MAML3: variants seen among roughly 807,000 people sequenced by gnomAD.
The protein encoded by MAML3 is mastermind like transcriptional coactivator 3.
In MAML3, 27 loss-of-function variants were observed where a neutral mutation model predicts 101.9. That is an observed-to-expected ratio of 0.27 (90% CI 0.20 to 0.37). MAML3 has a LOEUF of 0.37. Ranked by LOEUF, MAML3 falls within the 10% of genes least tolerant of loss-of-function variation. MAML3 has a pLI of 1.00. For synonymous variants in MAML3, 501 were observed against 555.9 expected (o/e 0.90, Z 1.39); for missense variants, 1,316 against 1,444.9 (o/e 0.91, Z 1.45).
intron 2 of MAML3, among the ~76,000 whole-genome samples, chr4:139,834,839 A>G (rs71606862): frequency 0.028 from 4,201 of 152,214 alleles, 84 homozygotes; most frequent in Admixed American, 0.045. Flanking sequence ...CCTTTCTGGG[A>G]GAAGGGGGAG....
chr4:140,102,661 A>G (rs77056918), intron 1 of MAML3, among the ~76,000 whole-genome samples: 3,000 of 152,248 alleles, frequency 0.02, 83 homozygotes, highest in African/African-American at 0.065. Context: ...GTTTCAGCCT[A>G]TGAATTTTGC....
intron 1 of MAML3, among the ~76,000 whole-genome samples, chr4:139,944,978 T>C (rs1376202061): frequency 1.3e-5 from 2 of 151,776 alleles, no homozygotes; most frequent in African/African-American, 4.8e-5. Flanking sequence ...TAAATCATGC[T>C]GCTATAAAGA....
intron 2 of MAML3, among the ~76,000 whole-genome samples, chr4:139,884,303 G>A (rs1311640309): frequency 1.3e-5 from 2 of 152,052 alleles, no homozygotes; most frequent in African/African-American, 4.8e-5. Flanking sequence ...TACCACACAG[G>A]GCATTCCACA....
chr4:139,874,512 T>C (rs796264610), intron 2 of MAML3, among the ~76,000 whole-genome samples: 13 of 152,216 alleles, frequency 8.5e-5, no homozygotes, highest in African/African-American at 2.9e-4. Flanking sequence ...ATATATATGA[T>C]AATATATTTC....
At chr4:139,852,908 A>C (rs1731584391) in intron 2 of MAML3, among the ~76,000 whole-genome samples, 1 of 152,198 alleles carries the variant, frequency 6.6e-6, no homozygotes, top group Non-Finnish European at 1.5e-5. Context: ...CCAGTTGGGC[A>C]ATCTTGGGCA....
chr4:140,012,288 T>A (rs1423748808), intron 1 of MAML3, among the ~76,000 whole-genome samples: 2 of 152,256 alleles, frequency 1.3e-5, no homozygotes, highest in Non-Finnish European at 1.5e-5. Context: ...TAACCTGTTA[T>A]ATTTTATGTG....
At position 139,936,855 on chromosome 4, in the gene MAML3, C is replaced by T. The variant is rs148846296; in HGVS notation, c.469-45888G>A. On this transcript the variant is annotated intron_variant, in intron 1 of 4. Coordinates refer to ENST00000509479, the MANE Select transcript of MAML3 (RefSeq NM_018717.5). ...CCCTGAAAGAAAGTCCTATTTAAAT[C>T]GTGGCTTCAGTAGAGCTTTTCAAGA... Among the ~76,000 whole-genome samples, 4 of 152,238 alleles carry T rather than the reference C, an allele frequency of 2.6e-5. No homozygotes were observed. The East Asian group carries it at 7.7e-4, about 29-fold the overall frequency.
At chr4:140,058,501 T>C (rs2110933790) in intron 1 of MAML3, among the ~76,000 whole-genome samples, 1 of 151,732 alleles carries the variant, frequency 6.6e-6, no homozygotes, top group Admixed American at 6.6e-5. Flanking sequence ...AGATAGATAT[T>C]GGACATAAAA....
At chr4:139,906,714 T>G (rs1228506414) in intron 1 of MAML3, among the ~76,000 whole-genome samples, 2 of 152,240 alleles carry the variant, frequency 1.3e-5, no homozygotes, top group Admixed American at 1.3e-4. Context: ...TGGTTTTATC[T>G]TTCTTACCTA....
At chr4:139,781,508 C>CATATATATATGTATATATATATAT (rs1730212245) in intron 2 of MAML3, among the ~76,000 whole-genome samples, 1 of 137,034 alleles carries the variant, frequency 7.3e-6, no homozygotes, top group Non-Finnish European at 1.6e-5. Flanking sequence ...AGAGCATTTT[C>CATATATATATGTATATATATATAT]ATATATATAT....
chr4:139,827,171 A>T (rs1731075480), intron 2 of MAML3, among the ~76,000 whole-genome samples: 1 of 152,200 alleles, frequency 6.6e-6, no homozygotes, highest in Non-Finnish European at 1.5e-5. Context: ...AAATCAGAAC[A>T]TAGAAAATAG....
chr4:139,933,463 C>G (rs1578604942), intron 1 of MAML3, among the ~76,000 whole-genome samples: 1 of 152,334 alleles, frequency 6.6e-6, no homozygotes, highest in East Asian at 1.9e-4. Context: ...GGGGAGACAT[C>G]CAACACGTAA....
At chr4:139,842,025 G>T (rs1324233507) in intron 2 of MAML3, among the ~76,000 whole-genome samples, 2 of 152,148 alleles carry the variant, frequency 1.3e-5, no homozygotes, top group African/African-American at 4.8e-5. Context: ...CATTCTTCCT[G>T]GTATCAGAGT....
In MAML3 at chr4:139,988,144, T is replaced by C. The variant is rs1198832399; in HGVS notation, c.469-97177A>G. Among the ~76,000 whole-genome samples the C allele has an allele frequency of 2.7e-5, 4 of 149,870 alleles. No individual in the cohort carries two copies. The East Asian group carries it at 5.9e-4, about 22-fold the overall frequency. On this transcript the variant is annotated intron_variant, in intron 1 of 4. Coordinates refer to ENST00000509479, the MANE Select transcript of MAML3 (RefSeq NM_018717.5). ...GAGTTCAAGACCAGCCTGGCCAACA[T>C]GGCGAAACCCCATCTCTACTAAAAA...
intron 2 of MAML3, among the ~76,000 whole-genome samples, chr4:139,764,957 C>T (rs1281803423): frequency 1.3e-5 from 2 of 152,226 alleles, no homozygotes; most frequent in Admixed American, 6.5e-5. Context: ...CACGGGGAAG[C>T]AGGGGCTGAG....
chr4:139,880,748 TA>T (rs1274481775), intron 2 of MAML3, among the ~76,000 whole-genome samples: 3 of 152,208 alleles, frequency 2.0e-5, no homozygotes, highest in African/African-American at 7.2e-5. Flanking sequence ...AATTCTGCTG[TA>T]AAATTATAAA....
intron 1 of MAML3, among the ~76,000 whole-genome samples, chr4:140,088,228 G>C (rs1727989971): frequency 6.6e-6 from 1 of 151,746 alleles, no homozygotes. Flanking sequence ...GGAAGGGAGG[G>C]AGGACGGGAG....
At chr4:140,102,112 G>A (rs969021402) in intron 1 of MAML3, among the ~76,000 whole-genome samples, 10 of 152,142 alleles carry the variant, frequency 6.6e-5, no homozygotes, top group African/African-American at 2.2e-4. Context: ...GCAAAAAGCT[G>A]AGTTATTAGA....
At chr4:140,025,260 T>C (rs1311861101) in intron 1 of MAML3, among the ~76,000 whole-genome samples, 1 of 152,112 alleles carries the variant, frequency 6.6e-6, no homozygotes. Context: ...ATATGAGAAC[T>C]CTCCATTTTT....
Sources: allele counts gnomAD v4.1 joint callset (sites outside exome capture counted in the v4.1 genomes callset), GRCh38; gene constraint gnomAD v4.1.1; transcripts MANE v1.5; gene names NCBI Gene and HGNC (gene_info 2026-07-23, HGNC 2026-07-21).